TIPIN: variants seen among roughly 807,000 people sequenced by gnomAD.
TIPIN encodes the protein TIMELESS-interacting protein.
Under a neutral mutation model 35.6 loss-of-function variants are expected in TIPIN, and 29 were observed. The ratio of observed to expected loss-of-function variants is 0.82; its 90% confidence interval spans 0.61 to 1.11. The LOEUF is 1.11. Ranked by LOEUF, TIPIN falls within the 50% of genes most tolerant of loss-of-function variation. The pLI is 0.00. For synonymous variants in TIPIN, 102 were observed against 121.5 expected (o/e 0.84, Z 1.06); for missense variants, 296 against 345.4 (o/e 0.86, Z 1.13).
chr15:66,379,930 C>G, intron 1 of TIPIN: 2 of 1,255,060 alleles, frequency 1.6e-6, no homozygotes, highest in Non-Finnish European at 2.2e-6. Context: ...GCAGTACACA[C>G]GGCAAAGGAC....
chr15:66,368,070 G>T (rs1393229747), intron 1 of TIPIN, among the ~76,000 whole-genome samples: 1 of 151,984 alleles, frequency 6.6e-6, no homozygotes, highest in Non-Finnish European at 1.5e-5. Flanking sequence ...CTGACCTTGT[G>T]ATCTGCCTGC....
At chr15:66,340,958 T>C (rs1183984769) in intron 7 of TIPIN, among the ~76,000 whole-genome samples, 192 bp downstream of exon 7, 1 of 152,152 alleles carries the variant, frequency 6.6e-6, no homozygotes, top group Non-Finnish European at 1.5e-5. Context: ...TTGGATTCAT[T>C]TATTCTTTAA....
At chr15:66,379,153 T>C in intron 1 of TIPIN, 2 of 775,292 alleles carry the variant, frequency 2.6e-6, no homozygotes, top group East Asian at 3.1e-5. Flanking sequence ...CCTCCCAAAA[T>C]GCTGGAATCA....
At chr15:66,373,849 T>G (rs1053923758) in intron 1 of TIPIN, among the ~76,000 whole-genome samples, 1 of 152,116 alleles carries the variant, frequency 6.6e-6, no homozygotes, top group Non-Finnish European at 1.5e-5. Context: ...ACCACAGGCA[T>G]GTACCATTAC....
At chr15:66,367,214 C>CTATATCTATATCTATATCTA (rs1200387832) in intron 1 of TIPIN, among the ~76,000 whole-genome samples, 3 of 150,478 alleles carry the variant, frequency 2.0e-5, no homozygotes, top group South Asian at 2.1e-4. Flanking sequence ...ATATCTATAT[C>CTATATCTATATCTATATCTA]TATATCTATA....
intron 1 of TIPIN, among the ~76,000 whole-genome samples, chr15:66,371,744 C>A (rs1381197418): frequency 1.3e-5 from 2 of 151,914 alleles, no homozygotes; most frequent in African/African-American, 2.4e-5. Flanking sequence ...GTCTCGATCT[C>A]CTGACTTCGT....
intron 6 of TIPIN, among the ~76,000 whole-genome samples, chr15:66,348,121 G>A (rs561031457): frequency 6.8e-6 from 1 of 147,586 alleles, no homozygotes; most frequent in African/African-American, 2.5e-5. Flanking sequence ...TGATCCTCCC[G>A]CCTCAACCCC....
intron 1 of TIPIN, among the ~76,000 whole-genome samples, chr15:66,363,416 G>A (rs1377300423): frequency 6.6e-6 from 1 of 152,110 alleles, no homozygotes; most frequent in Non-Finnish European, 1.5e-5. Context: ...GGCCGAGGCG[G>A]GCGGATCACG....
intron 1 of TIPIN, chr15:66,367,033 A>G: frequency 4.1e-6 from 1 of 244,672 alleles, no homozygotes; most frequent in Non-Finnish European, 6.5e-6. Context: ...ATACAAAATT[A>G]GACATACGTG....
At chr15:66,367,232 C>CTA (rs753971503) in intron 1 of TIPIN, among the ~76,000 whole-genome samples, 2 of 116,934 alleles carry the variant, frequency 1.7e-5, no homozygotes, top group South Asian at 2.9e-4. Context: ...ATATCTGTAT[C>CTA]TATATCTATA....
At chr15:66,337,964 A>G (rs1309552419) in intron 7 of TIPIN, among the ~76,000 whole-genome samples, 1 of 152,036 alleles carries the variant, frequency 6.6e-6, no homozygotes, top group East Asian at 1.9e-4. Context: ...TTCAAAATCA[A>G]ACTACTATTG....
chr15:66,379,675 T>A, intron 1 of TIPIN: 1 of 1,611,562 alleles, frequency 6.2e-7, no homozygotes, highest in East Asian at 2.2e-5. Flanking sequence ...ACACCCTTGA[T>A]CATGTTCTGT....
upstream of TIPIN, among the ~76,000 whole-genome samples, chr15:66,358,353 A>G (rs1222298752): frequency 6.6e-6 from 1 of 152,176 alleles, no homozygotes; most frequent in Non-Finnish European, 1.5e-5. Context: ...ATATAGCATC[A>G]TTAAGATTTG....
chr15:66,366,121 G>C (rs1225715464), intron 1 of TIPIN, among the ~76,000 whole-genome samples: 1 of 151,552 alleles, frequency 6.6e-6, no homozygotes, highest in South Asian at 2.1e-4. Context: ...AATTGAGTTA[G>C]AGACCCAATT....
upstream of TIPIN, among the ~76,000 whole-genome samples, chr15:66,360,495 T>C (rs1319512267): frequency 6.6e-6 from 1 of 152,098 alleles, no homozygotes; most frequent in Non-Finnish European, 1.5e-5. Flanking sequence ...TGTTGTTTTA[T>C]CTGAGTTACA....
At chr15:66,342,110 G>A (rs1322848248) in intron 6 of TIPIN, among the ~76,000 whole-genome samples, 1 of 149,756 alleles carries the variant, frequency 6.7e-6, no homozygotes, top group Non-Finnish European at 1.5e-5. Flanking sequence ...CTTGAACCGG[G>A]ACCCGGGAGG....
At chr15:66,339,840 G>A (rs1566970348) in intron 7 of TIPIN, among the ~76,000 whole-genome samples, 1 of 152,044 alleles carries the variant, frequency 6.6e-6, no homozygotes, top group Non-Finnish European at 1.5e-5. Flanking sequence ...CAAAAGTACA[G>A]CTCACAACCA....
intron 1 of TIPIN, among the ~76,000 whole-genome samples, chr15:66,367,220 C>CTATATT (rs761208756): frequency 6.6e-6 from 1 of 150,658 alleles, no homozygotes; most frequent in Non-Finnish European, 1.5e-5. Context: ...ATATCTATAT[C>CTATATT]TATATCTGTA....
chr15:66,355,348 A>G (rs1172808961), intron 1 of TIPIN, among the ~76,000 whole-genome samples: 2 of 151,636 alleles, frequency 1.3e-5, no homozygotes, highest in Non-Finnish European at 2.9e-5. Context: ...TGCTCAATAT[A>G]TATTTGATGA....
Sources: gnomAD v4.1 joint callset for allele counts (sites outside exome capture counted in the v4.1 genomes callset) on GRCh38, gnomAD v4.1.1 for gene constraint, MANE v1.5 for transcripts, NCBI Gene and HGNC (gene_info 2026-07-23, HGNC 2026-07-21) for gene names.